Variants in IGSF21 observed in about 807,000 individuals in gnomAD.
IGSF21 encodes the protein immunoglobulin superfamily member 21.
In IGSF21, 28 loss-of-function variants were observed where a neutral mutation model predicts 46.8. The ratio of observed to expected loss-of-function variants is 0.60; its 90% CI spans 0.44 to 0.82. The LOEUF is 0.82. Among genes scored for constraint, IGSF21 ranks in the 40% least tolerant of loss-of-function variants. IGSF21 has a pLI of 0.00. For missense variants in IGSF21, 624 were observed against 665.5 expected (o/e 0.94, Z 0.69); for synonymous variants, 284 against 273.6 (o/e 1.04, Z -0.38).
At chr1:18,375,068 G>T (rs2086267216) in intron 6 of IGSF21, among the ~76,000 whole-genome samples, 1 of 152,148 alleles carries the variant, frequency 6.6e-6, no homozygotes, top group Non-Finnish European at 1.5e-5. Context: ...CTCCTTGGAA[G>T]AGGCACCCTG....
rs11583843 is a variant in IGSF21, at chr1:18,365,190, A to G, written c.541-33A>G. 2.3e-3 allele frequency: 3,610 copies of G among 1,538,328 alleles called. 65 individuals carry two copies. In the African/African-American group the frequency reaches 0.043, roughly 18 times the overall value. On this transcript the variant is annotated intron_variant, in intron 5 of 9. Coordinates refer to ENST00000251296, the MANE Select transcript of IGSF21 (RefSeq NM_032880.5). This position sits in a 1 kb window ranked among gnomAD's most constrained non-coding sequence, Gnocchi z 4.8. ...TGGGAGGTTGAAGTTAGTAGCACAA[A>G]ATCATTTTCCCACACCCTCCTTACA...
At chr1:18,309,945 C>T (rs2085472611) in intron 3 of IGSF21, among the ~76,000 whole-genome samples, 1 of 152,154 alleles carries the variant, frequency 6.6e-6, no homozygotes, top group Non-Finnish European at 1.5e-5. Flanking sequence ...GCCGACGAGG[C>T]CCTGGGGGGT....
intron 2 of IGSF21, among the ~76,000 whole-genome samples, chr1:18,252,776 A>G (rs563276538): frequency 6.6e-6 from 1 of 152,174 alleles, no homozygotes; most frequent in Non-Finnish European, 1.5e-5. Flanking sequence ...GGGTACAAAG[A>G]TCATGGGTTC....
At chr1:18,201,516 C>A (rs550710480) in intron 1 of IGSF21, among the ~76,000 whole-genome samples, 1 of 152,284 alleles carries the variant, frequency 6.6e-6, no homozygotes, top group Non-Finnish European at 1.5e-5. Context: ...CCCAGAGGAA[C>A]CTCTAGCCTG....
intron 1 of IGSF21, among the ~76,000 whole-genome samples, chr1:18,198,539 C>A (rs1264954061): frequency 6.6e-6 from 1 of 152,226 alleles, no homozygotes; most frequent in South Asian, 2.1e-4. Context: ...CGTAGCCAGA[C>A]CTTAAAAAAT....
intron 2 of IGSF21, among the ~76,000 whole-genome samples, chr1:18,287,722 A>C (rs2085228956): frequency 1.3e-5 from 2 of 152,264 alleles, no homozygotes; most frequent in Admixed American, 1.3e-4. Context: ...CACTCAGGGC[A>C]TCCCTGCACT....
At chr1:18,356,837 A>G (rs2086023495) in intron 4 of IGSF21, among the ~76,000 whole-genome samples, 1 of 152,020 alleles carries the variant, frequency 6.6e-6, no homozygotes, top group Non-Finnish European at 1.5e-5. Context: ...AAGTGGTGAT[A>G]GGAATGGAGG....
At chr1:18,354,220 G>A (rs12070884) in intron 4 of IGSF21, among the ~76,000 whole-genome samples, 1,862 of 152,304 alleles carry the variant, frequency 0.012, 35 homozygotes, top group African/African-American at 0.041. Flanking sequence ...GAGTTAATTA[G>A]CAGAAGGCCC....
rs1237419973 is a variant in IGSF21, at chr1:18,335,604, C to T, written c.424+594C>T. Among the ~76,000 whole-genome samples the T allele has an allele frequency of 1.3e-5, 2 of 152,164 alleles. No homozygotes were observed. The highest frequency in any genetic ancestry group is 2.9e-5 in the Non-Finnish European group (2 of 68,040). On this transcript the variant is annotated intron_variant, in intron 4 of 9. Coordinates refer to ENST00000251296, the MANE Select transcript of IGSF21 (RefSeq NM_032880.5). The surrounding 1 kb of genome is among the most constrained non-coding windows in gnomAD (Gnocchi z 4.8). The stretch of plus-strand genomic sequence containing the variant: ...ATGCTGCTCTGCACGTTCTCAGAAG[C>T]CCCCACTGGCTCTAATGTTCTTGTC...
At position 18,313,099 on chromosome 1, in the gene IGSF21, C is replaced by T. The variant is rs375240283; in HGVS notation, c.305+21112C>T. Reference sequence around the variant, plus strand: ...TCCTGGCCCTGAACATTTGTTGGACCGAGCAGACCCGCCGGGTACCGTGCA... The same window carrying T: ...TCCTGGCCCTGAACATTTGTTGGACTGAGCAGACCCGCCGGGTACCGTGCA... On this transcript the variant is annotated intron_variant, in intron 3 of 9. Transcript: ENST00000251296. 1.2e-4 allele frequency among the ~76,000 whole-genome samples: 19 copies of T among 152,242 alleles called. No homozygotes were observed. In the East Asian group the frequency reaches 2.7e-3, roughly 22 times the overall value.
At chr1:18,189,595 G>A (rs1479827874) in intron 1 of IGSF21, among the ~76,000 whole-genome samples, 1 of 151,746 alleles carries the variant, frequency 6.6e-6, no homozygotes, top group African/African-American at 2.4e-5. Context: ...TGGCCCCACT[G>A]GGGGTGCTGG....
intron 6 of IGSF21, among the ~76,000 whole-genome samples, chr1:18,374,065 C>T (rs1280457013): frequency 2.6e-5 from 4 of 152,134 alleles, no homozygotes; most frequent in African/African-American, 4.8e-5. Flanking sequence ...TCTCCAGGAC[C>T]GGGATGCCCT....
chr1:18,202,075 A>C lies in IGSF21; in HGVS notation c.71-25823A>C, dbSNP rs191899589. ...TCCCAGCTCATTTCTGCTTCCACGC[A>C]CCCTGCTGCCTCCTGACAGTCTCAC... On this transcript the variant is annotated intron_variant, in intron 1 of 9. Coordinates refer to ENST00000251296, the MANE Select transcript of IGSF21 (RefSeq NM_032880.5). Among the ~76,000 whole-genome samples the C allele has an allele frequency of 4.6e-3, 697 of 152,068 alleles. 3 individuals are homozygous for C. The highest frequency in any genetic ancestry group is 6.5e-3 in the Non-Finnish European group (444 of 67,978).
At position 18,250,110 on chromosome 1, in the gene IGSF21, C is replaced by CCTCG. The variant is rs1264822558; in HGVS notation, c.183+22103_183+22104insGCTC. Among the ~76,000 whole-genome samples, 9 of 86,978 alleles carry CCTCG rather than the reference C, an allele frequency of 1.0e-4. No individual in the cohort carries two copies. In the East Asian group the frequency reaches 2.0e-3, roughly 19 times the overall value. The allele number at this position is 86,978 out of a possible 152,430, so 57.1% of individuals were successfully genotyped here. A position where few individuals can be genotyped will look rare whatever the true frequency, so the allele number is the denominator to read the frequency against. The stretch of plus-strand genomic sequence containing the variant: ...CACTCCCTCCCTCGCTCCCTCCCTC[C>CCTCG]CTCCCTCCCTCCCTCCCTCCCTCTC... On this transcript the variant is annotated intron_variant, in intron 2 of 9. Coordinates refer to ENST00000251296, the MANE Select transcript of IGSF21 (RefSeq NM_032880.5).
At position 18,334,329 on chromosome 1, in the gene IGSF21, C is replaced by T. The variant is rs987240986; in HGVS notation, c.306-563C>T. The stretch of plus-strand genomic sequence containing the variant: ...CCTGAATTTTATTGTCTTTCTCTTC[C>T]ATGATCTCAGGACTGGGCATGAAGT... On this transcript the variant is annotated intron_variant, in intron 3 of 9. Coordinates refer to ENST00000251296, the MANE Select transcript of IGSF21 (RefSeq NM_032880.5). This position sits in a 1 kb window ranked among gnomAD's most constrained non-coding sequence, Gnocchi z 4.3. Among the ~76,000 whole-genome samples, 6 of 152,180 alleles carry T rather than the reference C, an allele frequency of 3.9e-5. No homozygotes were observed. Among genetic ancestry groups the T allele is most frequent in the African/African-American group, 1.4e-4 (6 of 41,438 alleles).
Position 18,365,836 on chromosome 1 carries a change from A to C in IGSF21, c.1015+139A>C. On this transcript the variant is annotated intron_variant, in intron 6 of 9. Transcript: ENST00000251296. This position sits in a 1 kb window ranked among gnomAD's most constrained non-coding sequence, Gnocchi z 4.8. ...CAAACTGGAGTCAGGATGAGCACAA[A>C]TGGTAGAGTCAGGTTCTTAGGGAGG... 4.3e-6 allele frequency: 3 copies of C among 703,458 alleles called. No homozygotes were observed. Among genetic ancestry groups the C allele is most frequent in the Non-Finnish European group, 7.0e-6 (3 of 427,512 alleles). The allele number at this position is 703,458 out of a possible 1,614,324, so 43.6% of individuals were successfully genotyped here.
intron 5 of IGSF21, among the ~76,000 whole-genome samples, chr1:18,364,731 C>CAG (rs1301266112): frequency 1.3e-5 from 2 of 152,114 alleles, no homozygotes; most frequent in African/African-American, 4.8e-5. Flanking sequence ...CGCACACGCA[C>CAG]AGAGATTCTT....
intron 2 of IGSF21, among the ~76,000 whole-genome samples, chr1:18,250,081 C>T (rs1244223510): frequency 4.1e-5 from 4 of 97,432 alleles, no homozygotes; most frequent in African/African-American, 1.5e-4. Flanking sequence ...CCCCTTCCAT[C>T]CCCCACTCCC....
At chr1:18,241,986 C>T (rs1269222663) in intron 2 of IGSF21, among the ~76,000 whole-genome samples, 8 of 152,272 alleles carry the variant, frequency 5.3e-5, no homozygotes, top group Middle Eastern at 3.4e-3. Flanking sequence ...TGGCCTCCTC[C>T]GTGGGGGAGA....
Sources: allele counts gnomAD v4.1 joint callset (sites outside exome capture counted in the v4.1 genomes callset), GRCh38; gene constraint gnomAD v4.1.1; non-coding constraint Gnocchi (gnomAD v3.1); transcripts MANE v1.5; gene names NCBI Gene and HGNC (gene_info 2026-07-23, HGNC 2026-07-21).